DNAAF1: variants seen among roughly 807,000 people sequenced by gnomAD.
DNAAF1 encodes dynein assembly factor 1, axonemal.
In DNAAF1, 65 loss-of-function variants were observed where a neutral mutation model predicts 71.1. The ratio of observed to expected loss-of-function variants is 0.91; its 90% CI spans 0.75 to 1.12. The LOEUF (loss-of-function observed/expected upper bound fraction) is 1.12. Ranked by LOEUF, DNAAF1 falls within the 50% of genes most tolerant of loss-of-function variation. The pLI, the probability that DNAAF1 is intolerant of heterozygous loss-of-function variation, is 0.00. For missense variants in DNAAF1, 1,178 were observed against 899.8 expected (o/e 1.31, Z -3.96); for synonymous variants, 414 against 354.6 (o/e 1.17, Z -1.88).
At chr16:84,156,855 T>C (rs201568770) in intron 5 of DNAAF1, among the ~76,000 whole-genome samples, 1,673 of 141,628 alleles carry the variant, frequency 0.012, 9 homozygotes, top group Middle Eastern at 0.028. Flanking sequence ...TTCTTTCTTT[T>C]TTTTTTTTTT....
At chr16:84,165,306 C>T (rs1409155120) in intron 6 of DNAAF1, among the ~76,000 whole-genome samples, 1 of 152,034 alleles carries the variant, frequency 6.6e-6, no homozygotes, top group African/African-American at 2.4e-5. Context: ...AGACCCTTAT[C>T]AAATATATGA....
chr16:84,166,163 C>T lies in DNAAF1; in HGVS notation c.1030+214C>T, dbSNP rs113683418. On this transcript the variant is annotated intron_variant, in intron 7 of 11. Coordinates refer to ENST00000378553, the MANE Select transcript of DNAAF1 (RefSeq NM_178452.6). The stretch of plus-strand genomic sequence containing the variant: ...CTGTCTCCCGGGTTCAAGCAATTCT[C>T]GTGCCTCAGCCTCCCCAGAGCTGGG... Among the ~76,000 whole-genome samples the T allele has an allele frequency of 2.6e-3, 386 of 149,358 alleles. 1 individual carries two copies. Among genetic ancestry groups the T allele is most frequent in the African/African-American group, 9.1e-3 (369 of 40,474 alleles).
intron 10 of DNAAF1, 110 bp downstream of exon 10, chr16:84,174,832 A>G (rs2088567125): frequency 3.0e-6 from 4 of 1,345,716 alleles, no homozygotes; most frequent in Non-Finnish European, 4.2e-6. Flanking sequence ...CTGTGCATAA[A>G]GCATTGAATT....
chr16:84,155,297 G>C (rs1597421208), intron 4 of DNAAF1, among the ~76,000 whole-genome samples: 1 of 152,230 alleles, frequency 6.6e-6, no homozygotes, highest in Non-Finnish European at 1.5e-5. Context: ...GGTGCAGTTA[G>C]AGCTCACTGC....
At chr16:84,176,649 G>C (rs1243106874) in intron 11 of DNAAF1, 1 of 383,208 alleles carries the variant, frequency 2.6e-6, no homozygotes, top group East Asian at 6.1e-5. Context: ...CCTGGCCTCA[G>C]CCTTTCTAGA....
intron 5 of DNAAF1, among the ~76,000 whole-genome samples, chr16:84,156,774 A>C (rs1377604493): frequency 6.6e-6 from 1 of 152,030 alleles, no homozygotes; most frequent in Non-Finnish European, 1.5e-5. Context: ...AGAAAAGGCC[A>C]GGATCAATGT....
At chr16:84,173,240 G>C (rs2088461437) in intron 9 of DNAAF1, 1 of 922,690 alleles carries the variant, frequency 1.1e-6, no homozygotes, top group African/African-American at 1.8e-5. Context: ...GAGGTGGCTG[G>C]ATCACGAGGT....
intron 3 of DNAAF1, among the ~76,000 whole-genome samples, chr16:84,151,180 C>T (rs542028418): frequency 1.9e-4 from 29 of 152,236 alleles, no homozygotes; most frequent in African/African-American, 7.0e-4. Flanking sequence ...TCAGTCCTCT[C>T]ATTGTTCATT....
At position 84,159,725 on chromosome 16, in the gene DNAAF1, C is replaced by A. The variant is rs267607226; in HGVS notation, c.792C>A (p.Tyr264Ter). The change falls in exon 6 of 12, where the codon TAC (tyrosine) becomes TAA (stop). Residue 264 changes from tyrosine to a stop codon, truncating the protein, a stop_gained. Coordinates refer to ENST00000378553, the MANE Select transcript of DNAAF1 (RefSeq NM_178452.6). LOFTEE classifies it high-confidence loss of function. ...CGGTTATCAGACAGATTCCTAATTA[C>A]AGAAGGACAGTCACTGTACGACTAA... ...GNPVIRQIPN[Y>*]RRTVTVRLKH... The A allele has an allele frequency of 3.1e-6, 5 of 1,613,880 alleles. No homozygotes were observed. Among genetic ancestry groups the A allele is most frequent in the Non-Finnish European group, 4.2e-6 (5 of 1,179,922 alleles).
At chr16:84,151,736 G>A (rs2087193372) in intron 3 of DNAAF1, among the ~76,000 whole-genome samples, 1 of 152,228 alleles carries the variant, frequency 6.6e-6, no homozygotes, top group African/African-American at 2.4e-5. Flanking sequence ...TAGCCAGACT[G>A]TCAGCGCAGT....
chr16:84,157,238 C>T (rs1056282599), intron 5 of DNAAF1, among the ~76,000 whole-genome samples: 10 of 152,100 alleles, frequency 6.6e-5, no homozygotes, highest in Admixed American at 2.0e-4. Context: ...ATTTTCCCAT[C>T]CAGGTGAGGT....
chr16:84,177,485 C>G (rs1370106665), intron 11 of DNAAF1: 1 of 430,934 alleles, frequency 2.3e-6, no homozygotes, highest in Non-Finnish European at 4.4e-6. Flanking sequence ...CCTGCCACCA[C>G]GCCCAGCTAA....
At position 84,154,685 on chromosome 16, in the gene DNAAF1, G is replaced by A. The variant is rs200946538; in HGVS notation, c.461G>A (p.Arg154His). The A allele has an allele frequency of 3.9e-5, 63 of 1,614,036 alleles. No individual in the cohort carries two copies. The highest frequency in any genetic ancestry group is 4.9e-5 in the Non-Finnish European group (58 of 1,180,032). The change falls in exon 4 of 12, where the codon CGT (arginine) becomes CAT (histidine). Residue 154 changes from arginine to histidine, a missense_variant. Coordinates refer to ENST00000378553, the MANE Select transcript of DNAAF1 (RefSeq NM_178452.6). Reference sequence around the variant, plus strand: ...AACCTGGAGGCCCAAACTGAGTTGCGTTGCCTCTTCTTGCAAATGAACTTG... The same window carrying A: ...AACCTGGAGGCCCAAACTGAGTTGCATTGCCTCTTCTTGCAAATGAACTTG... ...IENLEAQTEL[R>H]CLFLQMNLLR...
At chr16:84,156,677 C>T (rs904745208) in intron 5 of DNAAF1, among the ~76,000 whole-genome samples, 4 of 152,186 alleles carry the variant, frequency 2.6e-5, no homozygotes, top group African/African-American at 7.2e-5. Context: ...CCAGTTTTCT[C>T]ACTCTCTCAG....
intron 8 of DNAAF1, 113 bp downstream of exon 8, chr16:84,170,469 G>A (rs573939814): frequency 3.3e-6 from 5 of 1,516,628 alleles, no homozygotes; most frequent in South Asian, 1.2e-5. Context: ...CTGTATTGCT[G>A]TTTCTAGAAG....
intron 9 of DNAAF1, chr16:84,173,520 T>A (rs2088489836): frequency 1.0e-6 from 1 of 983,294 alleles, no homozygotes; most frequent in African/African-American, 1.8e-5. Context: ...GGGTTTCTAG[T>A]TTTCTGGAGC....
intron 6 of DNAAF1, 99 bp from the exon 7 acceptor site, chr16:84,165,684 C>T: frequency 8.6e-7 from 1 of 1,158,732 alleles, no homozygotes; most frequent in Admixed American, 1.7e-5. Context: ...ATGTCTGATG[C>T]TCACTTTGCT....
intron 3 of DNAAF1, among the ~76,000 whole-genome samples, chr16:84,152,548 G>T (rs775052074): frequency 6.6e-6 from 1 of 151,606 alleles, no homozygotes; most frequent in Non-Finnish European, 1.5e-5. Flanking sequence ...TACTTGTGAG[G>T]CTGAGGCAGG....
intron 8 of DNAAF1, among the ~76,000 whole-genome samples, chr16:84,171,055 A>C (rs113702288): frequency 1.3e-5 from 2 of 152,284 alleles, no homozygotes; most frequent in African/African-American, 4.8e-5. Context: ...TACTGGTGAA[A>C]GGTAGGCCAT....
Sources: gnomAD v4.1 joint callset for allele counts (sites outside exome capture counted in the v4.1 genomes callset) on GRCh38, gnomAD v4.1.1 for gene constraint, MANE v1.5 for transcripts, NCBI Gene and HGNC (gene_info 2026-07-23, HGNC 2026-07-21) for gene names.